PXDNL: variants seen among roughly 807,000 people sequenced by gnomAD.
PXDNL encodes peroxidasin like, also known as probable oxidoreductase PXDNL.
In PXDNL, 145 loss-of-function variants were observed where a neutral mutation model predicts 150.8. That is an observed-to-expected ratio of 0.96 (90% CI 0.84 to 1.10). The LOEUF (loss-of-function observed/expected upper bound fraction) is 1.10. Among genes scored for constraint, PXDNL ranks in the 50% least tolerant of loss-of-function variants. The pLI, the probability that PXDNL is intolerant of heterozygous loss-of-function variation, is 0.00. For missense variants in PXDNL, 2,087 were observed against 1,873.9 expected (o/e 1.11, Z -2.10); for synonymous variants, 757 against 725.7 (o/e 1.04, Z -0.69).
At chr8:51,784,734 T>G (rs1240364633) in intron 1 of PXDNL, among the ~76,000 whole-genome samples, 1 of 102,634 alleles carries the variant, frequency 9.7e-6, no homozygotes, top group East Asian at 2.6e-4. Flanking sequence ...TTCCTGCAGT[T>G]AGAAAAAAAA....
chr8:51,658,562 C>A (rs1279243350), intron 1 of PXDNL, among the ~76,000 whole-genome samples: 1 of 152,004 alleles, frequency 6.6e-6, no homozygotes, highest in African/African-American at 2.4e-5. Context: ...GGAAAACATA[C>A]CCCTTCCTAA....
chr8:51,394,051 C>T (rs1033202938), intron 17 of PXDNL, among the ~76,000 whole-genome samples: 6 of 152,186 alleles, frequency 3.9e-5, no homozygotes, highest in Non-Finnish European at 8.8e-5. Flanking sequence ...CAGTTGACAA[C>T]TCCGTGTCCT....
chr8:51,432,805 C>T (rs1586102242), intron 12 of PXDNL, among the ~76,000 whole-genome samples: 1 of 152,154 alleles, frequency 6.6e-6, no homozygotes, highest in East Asian at 1.9e-4. Context: ...TAAAATTGTA[C>T]GTATTTCTTC....
chr8:51,673,120 C>T (rs1211689693), intron 1 of PXDNL, among the ~76,000 whole-genome samples: 2 of 152,152 alleles, frequency 1.3e-5, no homozygotes, highest in African/African-American at 4.8e-5. Flanking sequence ...AAGTTTTACA[C>T]ATGTATGTTT....
At chr8:51,353,249 T>G (rs1350744970) in intron 19 of PXDNL, among the ~76,000 whole-genome samples, 2 of 151,232 alleles carry the variant, frequency 1.3e-5, no homozygotes, top group Non-Finnish European at 3.0e-5. Context: ...TCCTTTATTT[T>G]TTAAGCCAGC....
intron 1 of PXDNL, among the ~76,000 whole-genome samples, chr8:51,804,789 A>G (rs1449796923): frequency 6.6e-6 from 1 of 152,152 alleles, no homozygotes; most frequent in African/African-American, 2.4e-5. Flanking sequence ...AGGCTGTTGT[A>G]GGATATCCTG....
At chr8:51,694,976 C>T (rs1816085354) in intron 1 of PXDNL, among the ~76,000 whole-genome samples, 1 of 152,138 alleles carries the variant, frequency 6.6e-6, no homozygotes, top group Admixed American at 6.5e-5. Context: ...AACCATACAT[C>T]GTGATTCTAT....
At chr8:51,611,044 C>G (rs941822021) in intron 2 of PXDNL, among the ~76,000 whole-genome samples, 2 of 152,188 alleles carry the variant, frequency 1.3e-5, no homozygotes, top group South Asian at 2.1e-4. Context: ...GAGGCCCCGT[C>G]CACATTCCAG....
intron 4 of PXDNL, among the ~76,000 whole-genome samples, chr8:51,526,927 C>G (rs1487656695): frequency 6.6e-6 from 1 of 152,166 alleles, no homozygotes; most frequent in Non-Finnish European, 1.5e-5. Flanking sequence ...CCTCTGTGCT[C>G]CGCCCTGGGA....
At chr8:51,529,684 C>T (rs1246181286) in intron 4 of PXDNL, among the ~76,000 whole-genome samples, 1 of 152,172 alleles carries the variant, frequency 6.6e-6, no homozygotes, top group South Asian at 2.1e-4. Flanking sequence ...AAGAAGACTT[C>T]TACTGTGAAC....
chr8:51,667,774 G>A (rs1815415986), intron 1 of PXDNL, among the ~76,000 whole-genome samples: 1 of 152,200 alleles, frequency 6.6e-6, no homozygotes, highest in Non-Finnish European at 1.5e-5. Context: ...CAAGGAGGGG[G>A]TTGCTTTTTC....
intron 17 of PXDNL, among the ~76,000 whole-genome samples, chr8:51,405,514 A>G (rs1351676943): frequency 2.6e-5 from 4 of 152,230 alleles, no homozygotes; most frequent in African/African-American, 9.6e-5. Context: ...ATTTAAAAAC[A>G]AAGTCCTAAA....
At chr8:51,364,151 G>A (rs1057269291) in intron 19 of PXDNL, among the ~76,000 whole-genome samples, 3 of 152,168 alleles carry the variant, frequency 2.0e-5, no homozygotes, top group Non-Finnish European at 4.4e-5. Context: ...AAGCCTTAAT[G>A]CACTATGTCA....
chr8:51,757,704 T>G (rs960022597), intron 1 of PXDNL, among the ~76,000 whole-genome samples: 4 of 152,202 alleles, frequency 2.6e-5, no homozygotes, highest in Admixed American at 6.5e-5. Flanking sequence ...GGAAAATGTG[T>G]TTTGTACTCT....
At chr8:51,753,125 AC>A (rs1316200963) in intron 1 of PXDNL, among the ~76,000 whole-genome samples, 4 of 152,248 alleles carry the variant, frequency 2.6e-5, no homozygotes, top group Admixed American at 6.5e-5. Context: ...GATTTATCCT[AC>A]AAATGGATTT....
intron 1 of PXDNL, among the ~76,000 whole-genome samples, chr8:51,789,402 G>A (rs567979545): frequency 3.9e-5 from 6 of 152,232 alleles, no homozygotes; most frequent in East Asian, 3.9e-4. Flanking sequence ...AGGTGAGACC[G>A]GGCGTGACAC....
chr8:51,660,633 CA>C (rs1159031170), intron 1 of PXDNL, among the ~76,000 whole-genome samples: 1 of 152,136 alleles, frequency 6.6e-6, no homozygotes, highest in Non-Finnish European at 1.5e-5. Flanking sequence ...GTACCTGGGC[CA>C]AAAGCATTCC....
At chr8:51,642,182 A>T (rs1040067546) in intron 2 of PXDNL, among the ~76,000 whole-genome samples, 9 of 145,978 alleles carry the variant, frequency 6.2e-5, no homozygotes, top group African/African-American at 2.2e-4. Flanking sequence ...CAGGAAGGGG[A>T]ACATCATACT....
chr8:51,699,405 T>A (rs945696818), intron 1 of PXDNL, among the ~76,000 whole-genome samples: 1 of 152,214 alleles, frequency 6.6e-6, no homozygotes, highest in Non-Finnish European at 1.5e-5. Flanking sequence ...CCAGCCTTCA[T>A]AGAATTGAAG....
Sources: allele counts gnomAD v4.1 joint callset (sites outside exome capture counted in the v4.1 genomes callset), GRCh38; gene constraint gnomAD v4.1.1; transcripts MANE v1.5; gene names NCBI Gene and HGNC (gene_info 2026-07-23, HGNC 2026-07-21).